PARD6G: variants seen among roughly 807,000 people sequenced by gnomAD.
PARD6G encodes partitioning defective 6 homolog gamma.
In PARD6G, 7 loss-of-function variants were observed where a neutral mutation model predicts 10.7. The ratio of observed to expected loss-of-function variants is 0.66; its 90% CI spans 0.37 to 1.23. The LOEUF (loss-of-function observed/expected upper bound fraction) is 1.23, where lower values mean the gene tolerates loss of function less well. PARD6G is among the 50% of genes most tolerant of loss of function. PARD6G has a pLI of 0.02. For synonymous variants in PARD6G, 287 were observed against 269.4 expected (o/e 1.07, Z -0.64); for missense variants, 548 against 571.8 (o/e 0.96, Z 0.42).
At position 80,231,326 on chromosome 18, in the gene PARD6G, T is replaced by C. The variant is rs1967355538; in HGVS notation, c.72+15951A>G. Among the ~76,000 whole-genome samples the C allele has an allele frequency of 6.6e-6, 1 of 152,182 alleles. No individual in the cohort carries two copies. The highest frequency in any genetic ancestry group is 1.5e-5 in the Non-Finnish European group (1 of 68,036). On this transcript the variant is annotated intron_variant, in intron 1 of 2. Transcript: ENST00000353265. This position sits in a 1 kb window ranked among gnomAD's most constrained non-coding sequence, Gnocchi z 4.2. ...CATAAGACTTTCCTGAAAGGTAAAT[T>C]CACTTAGGCAGAAGCCTCGAACTCC...
intron 1 of PARD6G, among the ~76,000 whole-genome samples, chr18:80,240,076 C>G (rs80323988): frequency 6.6e-6 from 1 of 152,216 alleles, no homozygotes; most frequent in Non-Finnish European, 1.5e-5. Context: ...CAAGAACTCA[C>G]TCATTACCAT....
intron 2 of PARD6G, chr18:80,170,761 T>G (rs780849556): frequency 1.4e-4 from 21 of 152,206 alleles, no homozygotes; most frequent in Non-Finnish European, 2.9e-4. Flanking sequence ...TCCACAGATG[T>G]GGGGAAAAGG....
intron 2 of PARD6G, among the ~76,000 whole-genome samples, chr18:80,185,667 CACACCCTCACACATGCAT>C (rs1257512318): frequency 6.6e-6 from 1 of 151,446 alleles, no homozygotes; most frequent in South Asian, 2.1e-4. Flanking sequence ...TATATGCTTG[CACACCCTCACACATGCAT>C]ACACCCTCAC....
chr18:80,211,934 G>A (rs538380127), intron 1 of PARD6G, among the ~76,000 whole-genome samples: 1 of 145,164 alleles, frequency 6.9e-6, no homozygotes, highest in African/African-American at 2.7e-5. Context: ...TGAATGCAGA[G>A]TTTGAGTTTT....
chr18:80,244,041 C>G (rs559213460), intron 1 of PARD6G, among the ~76,000 whole-genome samples: 4 of 152,094 alleles, frequency 2.6e-5, no homozygotes, highest in African/African-American at 9.7e-5. Context: ...GTAGTGGCAC[C>G]GTGTTGCTTG....
At chr18:80,195,544 G>GATATATATAT (rs1235414160) in intron 2 of PARD6G, among the ~76,000 whole-genome samples, 1 of 23,684 alleles carries the variant, frequency 4.2e-5, no homozygotes, top group African/African-American at 1.8e-4. Context: ...AGTCTTCAAA[G>GATATATATAT]ATACATATAT....
At chr18:80,209,124 CAA>C (rs796904159) in intron 1 of PARD6G, among the ~76,000 whole-genome samples, 1 of 143,996 alleles carries the variant, frequency 6.9e-6, no homozygotes, top group Non-Finnish European at 1.5e-5. Context: ...AACAAACAAA[CAA>C]AAAAAAAAAA....
intron 2 of PARD6G, among the ~76,000 whole-genome samples, chr18:80,196,661 G>A (rs1966958492): frequency 6.6e-6 from 1 of 152,138 alleles, no homozygotes; most frequent in Non-Finnish European, 1.5e-5. Flanking sequence ...TCAAGGCAGA[G>A]AGCAGGGCGG....
At chr18:80,199,934 C>CT (rs1966993830) in intron 2 of PARD6G, among the ~76,000 whole-genome samples, 1 of 152,214 alleles carries the variant, frequency 6.6e-6, no homozygotes, top group Non-Finnish European at 1.5e-5. Flanking sequence ...CGTGAGCCAC[C>CT]ATGCCTGGCT....
rs1446608691 is a variant in PARD6G, at chr18:80,159,447, T to G, written c.*324A>C. On this transcript the variant is annotated 3_prime_UTR_variant, in exon 3 of 3. Transcript: ENST00000353265. ...TATTTTAAAAAAGTAATTTTAAAGC[T>G]TCACTTTAAAAACAAAGTATTTGTA... 3.9e-6 allele frequency: 1 copy of G among 258,092 alleles called. No homozygotes were observed. Among genetic ancestry groups the G allele is most frequent in the Non-Finnish European group, 7.2e-6 (1 of 138,654 alleles). The allele number at this position is 258,092 out of a possible 1,614,324, so 16.0% of individuals were successfully genotyped here. A position where few individuals can be genotyped will look rare whatever the true frequency, so the allele number is the denominator to read the frequency against.
intron 1 of PARD6G, among the ~76,000 whole-genome samples, chr18:80,237,791 A>T (rs572935473): frequency 6.6e-6 from 1 of 152,326 alleles, no homozygotes; most frequent in South Asian, 2.1e-4. Context: ...TCAAAACCAC[A>T]ATGAGATACC....
Position 80,159,701 on chromosome 18 carries a change from T to C in PARD6G, c.*70A>G, listed in dbSNP as rs1351013432. The C allele has an allele frequency of 1.5e-6, 2 of 1,322,106 alleles. No homozygotes were observed. The highest frequency in any genetic ancestry group is 9.7e-7 in the Non-Finnish European group (1 of 1,032,676). The allele number at this position is 1,322,106 out of a possible 1,614,324, so 81.9% of individuals were successfully genotyped here. A position where few individuals can be genotyped will look rare whatever the true frequency, so the allele number is the denominator to read the frequency against. ...ACAAAAACAACAAAAAATGAGCGGATGCAGTCTGCAGGTCCTGTCCCTGTC... is the reference window on the plus strand; with the variant it reads ...ACAAAAACAACAAAAAATGAGCGGACGCAGTCTGCAGGTCCTGTCCCTGTC... On this transcript the variant is annotated 3_prime_UTR_variant, in exon 3 of 3. Transcript: ENST00000353265.
At chr18:80,218,897 G>A (rs1967199429) in intron 1 of PARD6G, among the ~76,000 whole-genome samples, 1 of 152,208 alleles carries the variant, frequency 6.6e-6, no homozygotes, top group African/African-American at 2.4e-5. Context: ...AAGCTGCCAA[G>A]GCTTGGGGAC....
rs537918146 is a variant in PARD6G, at chr18:80,224,708, G to A, written c.73-21776C>T. Among the ~76,000 whole-genome samples, 85 of 152,268 alleles carry A rather than the reference G, an allele frequency of 5.6e-4. No homozygotes were observed. The Middle Eastern group carries it at 0.014, about 24-fold the overall frequency. The stretch of plus-strand genomic sequence containing the variant: ...TAAAAATACAAAAAATTAGCCGGGC[G>A]TGATGGCGGGCGCCTGTAGTCCCAG... On this transcript the variant is annotated intron_variant, in intron 1 of 2. Transcript: ENST00000353265.
In PARD6G at chr18:80,180,498, A is replaced by C. The variant is rs2052843437; in HGVS notation, c.296-19892T>G. Among the ~76,000 whole-genome samples the C allele has an allele frequency of 6.6e-6, 1 of 152,120 alleles. No homozygotes were observed. The highest frequency in any genetic ancestry group is 1.5e-5 in the Non-Finnish European group (1 of 67,992). ...CCCCAGGTATCACCGGGGCCCTCCC[A>C]GGACCAACCCAGCCGGTGGTCAGGG... On this transcript the variant is annotated intron_variant, in intron 2 of 2. Transcript: ENST00000353265. This position sits in a 1 kb window ranked among gnomAD's most constrained non-coding sequence, Gnocchi z 5.6.
At chr18:80,216,602 T>C (rs1173050354) in intron 1 of PARD6G, among the ~76,000 whole-genome samples, 1 of 152,046 alleles carries the variant, frequency 6.6e-6, no homozygotes, top group Non-Finnish European at 1.5e-5. Context: ...CCAAAATTTA[T>C]GGGATGCAGC....
chr18:80,179,864 C>T (rs2052838990), intron 2 of PARD6G, among the ~76,000 whole-genome samples: 2 of 152,218 alleles, frequency 1.3e-5, no homozygotes, highest in Admixed American at 1.3e-4. Flanking sequence ...CAAAACGATC[C>T]TGAAGTTTAT....
rs146867448 is a variant in PARD6G at position 80,161,624 on chromosome 18, G to A, written c.296-1018C>T. On this transcript the variant is annotated intron_variant, in intron 2 of 2. Transcript: ENST00000353265. This position sits in a 1 kb window ranked among gnomAD's most constrained non-coding sequence, Gnocchi z 4.6. ...GAAACCTCTTGTTCTTGACACACAC[G>A]ACTCTGTAAGACAGGCGTCTCGGGG... The A allele has an allele frequency of 3.3e-5, 5 of 152,194 alleles. 1 individual carries two copies. In the South Asian group the frequency reaches 6.3e-4, roughly 19 times the overall value. The allele number at this position is 152,194 out of a possible 1,614,324, so 9.4% of individuals were successfully genotyped here.
intron 2 of PARD6G, among the ~76,000 whole-genome samples, chr18:80,191,362 C>T (rs1966894910): frequency 6.6e-6 from 1 of 151,596 alleles, no homozygotes; most frequent in African/African-American, 2.4e-5. Context: ...TCTCTTCTTT[C>T]TTTTTTTCCT....
Sources: allele counts gnomAD v4.1 joint callset (sites outside exome capture counted in the v4.1 genomes callset), GRCh38; gene constraint gnomAD v4.1.1; non-coding constraint Gnocchi (gnomAD v3.1); transcripts MANE v1.5; gene names NCBI Gene and HGNC (gene_info 2026-07-23, HGNC 2026-07-21).